The following KAZN variants were observed in gnomAD, a reference collection of about 807,000 sequenced individuals.
The protein encoded by KAZN is kazrin.
KAZN carries 40 observed loss-of-function variants against 87.4 expected under a neutral mutation model. That is an observed-to-expected ratio of 0.46 (90% CI 0.36 to 0.60). KAZN has a LOEUF of 0.60. Ranked by LOEUF, KAZN falls within the 20% of genes least tolerant of loss-of-function variation. The probability of loss-of-function intolerance (pLI) is 0.00; values close to 1 mark genes in which losing one functional copy is unlikely to be tolerated. For missense variants in KAZN, 898 were observed against 1,073.9 expected (o/e 0.84, Z 2.29); for synonymous variants, 466 against 458.3 (o/e 1.02, Z -0.22).
At chr1:14,751,076 C>G (rs1644402014) in intron 1 of KAZN, among the ~76,000 whole-genome samples, 1 of 152,160 alleles carries the variant, frequency 6.6e-6, no homozygotes, top group Non-Finnish European at 1.5e-5. Flanking sequence ...AGATGTGAAG[C>G]TTTGAGTATG....
chr1:14,365,371 G>GT (rs1385724634), intron 2 of KAZN, among the ~76,000 whole-genome samples: 2 of 87,406 alleles, frequency 2.3e-5, no homozygotes, highest in East Asian at 5.9e-4. Context: ...CCCGGGGTGG[G>GT]GGGGGGGGGG....
At position 14,673,765 on chromosome 1, in the gene KAZN, G is replaced by A. The variant is rs114660216; in HGVS notation, c.226+74542G>A. ...AAATCTTTGCTGAATTCTTGGCGCC[G>A]GTCAACCCCTTCCCCTTCCCTCCGT... is the stretch of plus-strand genomic sequence containing the variant. On this transcript the variant is annotated intron_variant, in intron 1 of 14. Transcript: ENST00000376030. Among the ~76,000 whole-genome samples, 319 of 152,240 alleles carry A rather than the reference G, an allele frequency of 2.1e-3. 2 individuals are homozygous for A. The highest frequency in any genetic ancestry group is 7.2e-3 in the African/African-American group (301 of 41,536).
intron 2 of KAZN, among the ~76,000 whole-genome samples, chr1:14,263,136 G>GT (rs958631409): frequency 1.3e-5 from 2 of 152,288 alleles, no homozygotes; most frequent in Non-Finnish European, 2.9e-5. Context: ...AGTTTACCAA[G>GT]TTTTTTGAAG....
At chr1:14,635,741 T>C (rs987942897) in intron 1 of KAZN, among the ~76,000 whole-genome samples, 1 of 152,218 alleles carries the variant, frequency 6.6e-6, no homozygotes, top group Non-Finnish European at 1.5e-5. Context: ...AGACCAGTGG[T>C]TCTCAACTGG....
In KAZN at chr1:14,981,192, C is replaced by T. The variant is rs78795366; in HGVS notation, c.418+20317C>T. On this transcript the variant is annotated intron_variant, in intron 2 of 14. Coordinates refer to ENST00000376030, the MANE Select transcript of KAZN (RefSeq NM_201628.3). ...GGGAAAGTGGTGTGCCACAGCATAG[C>T]TGGGAGCTGGGGCCTAGCTCCCAAC... Among the ~76,000 whole-genome samples the T allele has an allele frequency of 1.6e-3, 243 of 152,332 alleles. 4 individuals carry two copies. The East Asian group carries it at 0.032, about 20-fold the overall frequency.
At chr1:13,981,119 A>ATGT (rs1570443952) in intron 1 of KAZN, among the ~76,000 whole-genome samples, 1 of 115,578 alleles carries the variant, frequency 8.7e-6, no homozygotes, top group African/African-American at 3.4e-5. Flanking sequence ...ATGTATATAT[A>ATGT]AACACAGATT....
chr1:15,111,883 G>C (rs1641638770), intron 13 of KAZN: 1 of 154,010 alleles, frequency 6.5e-6, no homozygotes, highest in Admixed American at 6.4e-5. Flanking sequence ...GCAGGCTGTA[G>C]TTGGCCAAAT....
At chr1:14,427,342 G>A (rs1448598792) in intron 2 of KAZN, among the ~76,000 whole-genome samples, 1 of 152,134 alleles carries the variant, frequency 6.6e-6, no homozygotes, top group Non-Finnish European at 1.5e-5. Context: ...AATAGTCCTT[G>A]CCTTCTTATG....
At chr1:14,251,025 A>G (rs1214034807) in intron 2 of KAZN, among the ~76,000 whole-genome samples, 1 of 152,208 alleles carries the variant, frequency 6.6e-6, no homozygotes, top group East Asian at 1.9e-4. Context: ...TTCCCCTTCC[A>G]GAATGCCCCC....
intron 1 of KAZN, among the ~76,000 whole-genome samples, chr1:14,713,243 G>A (rs569060693): frequency 0.024 from 3,041 of 125,972 alleles, 43 homozygotes; most frequent in South Asian, 0.087. Flanking sequence ...TTGCACAAGC[G>A]CTTTTTCAAG....
intron 2 of KAZN, among the ~76,000 whole-genome samples, chr1:14,272,876 A>G (rs1474572674): frequency 6.6e-6 from 1 of 152,054 alleles, no homozygotes; most frequent in Non-Finnish European, 1.5e-5. Context: ...AAAATAAAAT[A>G]AAAATAAAAA....
intron 2 of KAZN, among the ~76,000 whole-genome samples, chr1:14,288,642 T>C (rs1190128758): frequency 1.3e-5 from 2 of 152,186 alleles, no homozygotes; most frequent in Non-Finnish European, 1.5e-5. Context: ...CCTGGATACA[T>C]TGATTATTTG....
intron 8 of KAZN, among the ~76,000 whole-genome samples, chr1:15,074,560 C>CCTGG (rs746547388): frequency 1.3e-5 from 2 of 152,176 alleles, no homozygotes; most frequent in East Asian, 3.9e-4. Context: ...AAATGGGGCC[C>CCTGG]CTGGCTCCCC....
At chr1:14,646,054 C>G (rs2148684768) in intron 1 of KAZN, among the ~76,000 whole-genome samples, 1 of 152,196 alleles carries the variant, frequency 6.6e-6, no homozygotes, top group East Asian at 1.9e-4. Context: ...AGACAAAACT[C>G]CAGTTGATAA....
At chr1:14,762,055 G>T (rs890457364) in intron 1 of KAZN, among the ~76,000 whole-genome samples, 2 of 152,066 alleles carry the variant, frequency 1.3e-5, no homozygotes, top group African/African-American at 4.8e-5. Flanking sequence ...CTTTTCATAA[G>T]GACACCTGTG....
intron 1 of KAZN, among the ~76,000 whole-genome samples, chr1:13,902,041 G>A (rs1326975551): frequency 6.6e-6 from 1 of 152,256 alleles, no homozygotes; most frequent in African/African-American, 2.4e-5. Context: ...GGCCTTAGCC[G>A]AATTACTGAT....
chr1:14,623,402 G>A (rs1477495781), intron 1 of KAZN, among the ~76,000 whole-genome samples: 5 of 152,210 alleles, frequency 3.3e-5, no homozygotes, highest in Admixed American at 2.6e-4. Context: ...TCACTTATAA[G>A]TGGGAGCGAA....
intron 1 of KAZN, among the ~76,000 whole-genome samples, chr1:14,891,136 G>T (rs578032748): frequency 6.6e-6 from 1 of 152,056 alleles, no homozygotes; most frequent in African/African-American, 2.4e-5. Context: ...GAGCCACCGC[G>T]CCTGGCAGGA....
intron 2 of KAZN, among the ~76,000 whole-genome samples, chr1:14,551,155 C>G (rs1673492865): frequency 6.6e-6 from 1 of 152,166 alleles, no homozygotes. Context: ...GCCCTACTGG[C>G]CCTTGGCAGT....
Sources: allele counts gnomAD v4.1 joint callset (sites outside exome capture counted in the v4.1 genomes callset), GRCh38; gene constraint gnomAD v4.1.1; transcripts MANE v1.5; gene names NCBI Gene and HGNC (gene_info 2026-07-23, HGNC 2026-07-21).